Variants in OGDHL observed in about 807,000 individuals in gnomAD.
The protein encoded by OGDHL is 2-oxoglutarate dehydrogenase-like, mitochondrial.
In OGDHL, 79 loss-of-function variants were observed where a neutral mutation model predicts 109.6. The ratio of observed to expected loss-of-function variants is 0.72; its 90% CI spans 0.60 to 0.87. The LOEUF (loss-of-function observed/expected upper bound fraction) is 0.87, where lower values mean the gene tolerates loss of function less well. Among genes scored for constraint, OGDHL ranks in the 40% least tolerant of loss-of-function variants. OGDHL has a pLI of 0.00. For missense variants in OGDHL, 1,275 were observed against 1,362.2 expected (o/e 0.94, Z 1.01); for synonymous variants, 528 against 537.2 (o/e 0.98, Z 0.24).
rs1295178800 is a variant in OGDHL, at chr10:49,745,915, C to A, written c.1359G>T (p.Arg453=). 6.2e-7 allele frequency: 1 copy of A among 1,614,224 alleles called. No homozygotes were observed. The highest frequency in any genetic ancestry group is 1.7e-5 in the Admixed American group (1 of 60,032). ...RSSPYPTDVA[R]VVNAPIFHVN... is the part of the protein sequence containing the mutation. The stretch of plus-strand genomic sequence containing the variant: ...CATGGAAGATAGGCGCATTGACCAC[C>A]CGGGCCACGTCGGTCGGGTATGGTG... The change falls in exon 11 of 23, where the codon CGG becomes CGT. Residue 453 remains arginine, a synonymous_variant. Coordinates refer to ENST00000374103, the MANE Select transcript of OGDHL (RefSeq NM_018245.3).
At position 49,747,296 on chromosome 10, in the gene OGDHL, G is replaced by A. The variant is rs1463522504; in HGVS notation, c.988-88C>T. On this transcript the variant is annotated intron_variant, in intron 8 of 22. Coordinates refer to ENST00000374103, the MANE Select transcript of OGDHL (RefSeq NM_018245.3). ...GGCAGGCACTGCAGCCCACAGTCAGGCTGGCACATTCCCCCGATCCCACTG... is the reference window on the plus strand; with the variant it reads ...GGCAGGCACTGCAGCCCACAGTCAGACTGGCACATTCCCCCGATCCCACTG... The A allele has an allele frequency of 5.6e-6, 8 of 1,428,818 alleles. No individual in the cohort carries two copies. In the East Asian group the frequency reaches 1.4e-4, roughly 25 times the overall value. 88.5% of individuals were successfully genotyped at this position (1,428,818 alleles called of 1,614,324 possible).
intron 14 of OGDHL, among the ~76,000 whole-genome samples, chr10:49,743,329 G>A (rs1421638990): frequency 6.6e-6 from 1 of 152,172 alleles, no homozygotes; most frequent in Non-Finnish European, 1.5e-5. Flanking sequence ...CACACACAGA[G>A]GCTAACACAC....
At chr10:49,757,003 T>C (rs1271277987) in intron 2 of OGDHL, 57 bp from the exon 3 acceptor site, 3 of 1,550,500 alleles carry the variant, frequency 1.9e-6, no homozygotes, top group South Asian at 1.2e-5. Flanking sequence ...GAGTCAGGGG[T>C]GGCCCAGGCT....
chr10:49,755,492 G>A (rs924114026), intron 3 of OGDHL, among the ~76,000 whole-genome samples: 2 of 152,190 alleles, frequency 1.3e-5, no homozygotes, highest in Non-Finnish European at 1.5e-5. Context: ...CATGATTGAT[G>A]GGTGGTGGGC....
Position 49,742,979 on chromosome 10 carries a change from C to T in OGDHL, c.1862-1G>A. ...CGGCCCCGCAGAATGCGAGAGAGGCCTGTGGGAAAGGAGTGCTGGCCTGAG... is the reference window on the plus strand; with the variant it reads ...CGGCCCCGCAGAATGCGAGAGAGGCTTGTGGGAAAGGAGTGCTGGCCTGAG... On this transcript the variant is annotated splice_acceptor_variant, in intron 14 of 22. Coordinates refer to ENST00000374103, the MANE Select transcript of OGDHL (RefSeq NM_018245.3). LOFTEE classifies it high-confidence loss of function. 1 of 1,612,428 alleles carries T rather than the reference C, an allele frequency of 6.2e-7. No individual in the cohort carries two copies. The highest frequency in any genetic ancestry group is 8.5e-7 in the Non-Finnish European group (1 of 1,179,852).
chr10:49,752,877 T>C (rs1842699367), intron 3 of OGDHL, 137 bp from the exon 4 acceptor site: 1 of 632,526 alleles, frequency 1.6e-6, no homozygotes. Flanking sequence ...CCGCGGCTAC[T>C]TCACTGCTGC....
intron 12 of OGDHL, 136 bp from the exon 13 acceptor site, chr10:49,744,888 C>A (rs1842063324): frequency 1.4e-6 from 1 of 711,362 alleles, no homozygotes; most frequent in Non-Finnish European, 2.4e-6. Flanking sequence ...ATAGGGACCT[C>A]ATGGCTAGAA....
At chr10:49,737,744 C>A in intron 20 of OGDHL, 42 bp downstream of exon 20, 1 of 1,601,828 alleles carries the variant, frequency 6.2e-7, no homozygotes, top group East Asian at 2.2e-5. Flanking sequence ...TGGGCCACCG[C>A]CCCATTGTGG....
In OGDHL at chr10:49,735,154, C is replaced by T. The variant is rs760681101; in HGVS notation, c.*74G>A. Reference sequence around the variant, plus strand: ...CAGCCCCTCTCCTGGGCAGGAGCTCCGCCCCTCCCCTTTTCATCACCCCCT... The same window carrying T: ...CAGCCCCTCTCCTGGGCAGGAGCTCTGCCCCTCCCCTTTTCATCACCCCCT... On this transcript the variant is annotated 3_prime_UTR_variant, in exon 23 of 23. Transcript: ENST00000374103. The T allele has an allele frequency of 7.9e-5, 122 of 1,551,932 alleles. No homozygotes were observed. Among genetic ancestry groups the T allele is most frequent in the Non-Finnish European group, 9.6e-5 (110 of 1,148,560 alleles).
At chr10:49,741,222 G>A (rs1590694565) in intron 15 of OGDHL, among the ~76,000 whole-genome samples, 2 of 152,104 alleles carry the variant, frequency 1.3e-5, no homozygotes, top group Admixed American at 6.5e-5. Context: ...CACTTCCCCT[G>A]CCCCGTCTTG....
At chr10:49,756,664 A>T (rs139587960) in intron 3 of OGDHL, 112 bp downstream of exon 3, 12,696 of 1,100,200 alleles carry the variant, frequency 0.012, 97 homozygotes, top group Non-Finnish European at 0.013. Flanking sequence ...GAGGACAAGG[A>T]GAAGGGCTCT....
intron 7 of OGDHL, 57 bp from the exon 8 acceptor site, chr10:49,749,873 C>G (rs1457997164): frequency 5.4e-6 from 8 of 1,474,434 alleles, no homozygotes; most frequent in Non-Finnish European, 7.3e-6. Context: ...TCAGGGTTCC[C>G]TCCCCCACTG....
chr10:49,742,303 GCA>G (rs1257942760), intron 15 of OGDHL, among the ~76,000 whole-genome samples: 23 of 65,560 alleles, frequency 3.5e-4, no homozygotes, highest in African/African-American at 1.3e-3. Flanking sequence ...CACCACAAAT[GCA>G]CCACACCCAC....
intron 2 of OGDHL, 42 bp from the exon 3 acceptor site, chr10:49,756,988 G>A (rs764667329): frequency 1.9e-6 from 3 of 1,586,992 alleles, no homozygotes; most frequent in Non-Finnish European, 2.6e-6. Context: ...GTCAGGGCCT[G>A]GGAAGAGTCA....
At chr10:49,752,848 GC>G in intron 3 of OGDHL, 108 bp from the exon 4 acceptor site, 1 of 751,452 alleles carries the variant, frequency 1.3e-6, no homozygotes, top group Non-Finnish European at 2.2e-6. Flanking sequence ...CGAATGTTAA[GC>G]TTCCCCATGT....
At chr10:49,758,908 A>C (rs1179022842) in intron 1 of OGDHL, among the ~76,000 whole-genome samples, 1 of 152,126 alleles carries the variant, frequency 6.6e-6, no homozygotes, top group Admixed American at 6.5e-5. Flanking sequence ...TGAACTCCCC[A>C]GGCCCTGCCT....
chr10:49,742,080 A>ACATAC (rs1841736904), intron 15 of OGDHL, among the ~76,000 whole-genome samples: 1 of 61,930 alleles, frequency 1.6e-5, no homozygotes, highest in Non-Finnish European at 3.3e-5. Flanking sequence ...CACACACCCC[A>ACATAC]CACATACCAC....
chr10:49,748,621 G>A (rs945595720), intron 8 of OGDHL, among the ~76,000 whole-genome samples: 3 of 152,138 alleles, frequency 2.0e-5, no homozygotes, highest in East Asian at 1.9e-4. Flanking sequence ...AACCATTCTC[G>A]GGCATGCGCT....
intron 10 of OGDHL, 23 bp from the exon 11 acceptor site, chr10:49,746,000 C>T: frequency 1.2e-6 from 2 of 1,610,288 alleles, no homozygotes; most frequent in African/African-American, 1.3e-5. Context: ...GAGAAACCTG[C>T]TGCGCCTCTC....
Sources: allele counts gnomAD v4.1 joint callset (sites outside exome capture counted in the v4.1 genomes callset), GRCh38; gene constraint gnomAD v4.1.1; transcripts MANE v1.5; gene names NCBI Gene and HGNC (gene_info 2026-07-23, HGNC 2026-07-21).